The following RYR3 variants were observed in gnomAD, a reference collection of about 807,000 sequenced individuals.
RYR3 encodes brain ryanodine receptor-calcium release channel.
Under a neutral mutation model 584.3 loss-of-function variants are expected in RYR3, and 207 were observed. The ratio of observed to expected loss-of-function variants is 0.35; its 90% CI spans 0.32 to 0.40. The LOEUF is 0.40. Ranked by LOEUF, RYR3 falls within the 10% of genes least tolerant of loss-of-function variation. RYR3 has a pLI of 1.00. For missense variants in RYR3, 5,616 were observed against 6,089.2 expected, an observed-to-expected ratio of 0.92 and a Z score of 2.59; for synonymous variants, 2,416 against 2,248.5, an observed-to-expected ratio of 1.07 and a Z score of -2.11.
In RYR3 at chr15:33,794,138, A is replaced by T. The variant is rs2075386095; in HGVS notation, c.9830+5680A>T. 1.2e-4 allele frequency among the ~76,000 whole-genome samples: 7 copies of T among 59,954 alleles called. No individual in the cohort carries two copies. The South Asian group carries it at 7.3e-3, about 63-fold the overall frequency. 39.3% of individuals were successfully genotyped at this position (59,954 alleles called of 152,430 possible). A position where few individuals can be genotyped will look rare whatever the true frequency, so the allele number is the denominator to read the frequency against. On this transcript the variant is annotated intron_variant, in intron 67 of 103. Coordinates refer to ENST00000634891, the MANE Select transcript of RYR3 (RefSeq NM_001036.6). ...ATACATAAATATATATTTATATATA[A>T]TATACATAAATATATAATATATAAT...
rs1300495088 is a variant in RYR3 at position 33,838,034 on chromosome 15, A to G, written c.12054A>G (p.Ala4018=). The G allele has an allele frequency of 6.2e-7, 1 of 1,613,908 alleles. No homozygotes were observed. Among genetic ancestry groups the G allele is most frequent in the East Asian group, 2.2e-5 (1 of 44,896 alleles). ...DSRLKCLLDP[A]ESVLNYFEPY... is the part of the protein sequence containing the mutation. ...GCCTGAAGTGTCTGTTGGACCCAGC[A>G]GAAAGTGTGCTAAATTACTTCGAAC... The change falls in exon 89 of 104, where the codon GCA becomes GCG. Residue 4018 remains alanine (A), a synonymous_variant. Coordinates refer to ENST00000634891, the MANE Select transcript of RYR3 (RefSeq NM_001036.6).
chr15:33,359,027 C>T (rs955012824), intron 1 of RYR3, among the ~76,000 whole-genome samples: 2 of 152,158 alleles, frequency 1.3e-5, no homozygotes, highest in Non-Finnish European at 2.9e-5. Context: ...CAGAGCCAAC[C>T]TATGAAGTAG....
intron 10 of RYR3, among the ~76,000 whole-genome samples, chr15:33,554,974 GACTACACCAT>G (rs1045360719): frequency 2.6e-5 from 4 of 152,130 alleles, no homozygotes; most frequent in Non-Finnish European, 5.9e-5. Flanking sequence ...CACTTTAAAT[GACTACACCAT>G]ACATCTTGAA....
chr15:33,652,952 C>A, intron 32 of RYR3, 69 bp downstream of exon 32: 1 of 1,467,184 alleles, frequency 6.8e-7, no homozygotes, highest in Non-Finnish European at 9.2e-7. Context: ...GTTCCTTGTT[C>A]TCCGTACTCA....
chr15:33,568,448 G>A (rs991619802), intron 12 of RYR3, among the ~76,000 whole-genome samples: 4 of 152,004 alleles, frequency 2.6e-5, no homozygotes, highest in African/African-American at 7.2e-5. Context: ...CCTTTTAAAT[G>A]TACAGTTCCG....
chr15:33,789,367 A>C (rs1485033675), intron 67 of RYR3, among the ~76,000 whole-genome samples: 1 of 151,778 alleles, frequency 6.6e-6, no homozygotes, highest in African/African-American at 2.4e-5. Flanking sequence ...GGAAGGAAGA[A>C]GACCAGTGGG....
intron 11 of RYR3, among the ~76,000 whole-genome samples, chr15:33,566,332 C>T (rs1297937730): frequency 6.6e-6 from 1 of 152,112 alleles, no homozygotes; most frequent in Non-Finnish European, 1.5e-5. Flanking sequence ...GTGACTTTTC[C>T]CATTTCCAAG....
At chr15:33,786,480 GT>G (rs1209014459) in intron 66 of RYR3, among the ~76,000 whole-genome samples, 71 of 143,274 alleles carry the variant, frequency 5.0e-4, no homozygotes, top group Admixed American at 1.1e-3. Flanking sequence ...GCACTTTGTT[GT>G]TTTTTTTTTT....
intron 44 of RYR3, 59 bp downstream of exon 44, chr15:33,722,954 T>G: frequency 1.4e-6 from 2 of 1,413,006 alleles, no homozygotes; most frequent in Non-Finnish European, 1.9e-6. Flanking sequence ...CAGATATTAT[T>G]GGTATACGGA....
chr15:33,749,774 G>A (rs1438417396), intron 55 of RYR3, among the ~76,000 whole-genome samples: 1 of 152,158 alleles, frequency 6.6e-6, no homozygotes, highest in Non-Finnish European at 1.5e-5. Context: ...GACAGAGTTA[G>A]AAATTGTTTT....
intron 93 of RYR3, among the ~76,000 whole-genome samples, chr15:33,846,304 C>T (rs2078720766): frequency 6.6e-6 from 1 of 152,168 alleles, no homozygotes; most frequent in South Asian, 2.1e-4. Flanking sequence ...GTCACATGGC[C>T]ATCCCAGATG....
chr15:33,622,849 C>T (rs1044440139), intron 19 of RYR3, among the ~76,000 whole-genome samples: 1 of 152,158 alleles, frequency 6.6e-6, no homozygotes, highest in African/African-American at 2.4e-5. Context: ...AACCTGGGAT[C>T]GTATGAAGTA....
rs374513025 is a variant in RYR3 at position 33,613,310 on chromosome 15, G to A, written c.2292G>A (p.Gly764=). The stretch of plus-strand genomic sequence containing the variant: ...GCATCAATGGGCAGCCCGTGCAGGG[G>A]ATGTTTGAGAACTTCAACACAGACG... The part of the protein sequence containing the change: ...SFRINGQPVQ[G]MFENFNTDGL... Residue 764 remains glycine (G), a synonymous_variant, in exon 19 of 104, where the codon GGG becomes GGA. Coordinates refer to ENST00000634891, the MANE Select transcript of RYR3 (RefSeq NM_001036.6). 1.9e-5 allele frequency: 31 copies of A among 1,613,986 alleles called. No homozygotes were observed. In the African/African-American group the frequency reaches 3.5e-4, roughly 18 times the overall value.
intron 60 of RYR3, among the ~76,000 whole-genome samples, chr15:33,764,319 A>T (rs1322966406): frequency 1.3e-5 from 2 of 151,862 alleles, no homozygotes; most frequent in Non-Finnish European, 2.9e-5. Context: ...CAGCAAACTA[A>T]CACAGGAACA....
intron 67 of RYR3, among the ~76,000 whole-genome samples, chr15:33,791,412 A>G (rs1295393622): frequency 6.6e-6 from 1 of 152,084 alleles, no homozygotes; most frequent in Non-Finnish European, 1.5e-5. Context: ...AGAGGGAGAG[A>G]GAGGTCTTTT....
At chr15:33,402,802 T>C (rs543356500) in intron 1 of RYR3, among the ~76,000 whole-genome samples, 1 of 152,336 alleles carries the variant, frequency 6.6e-6, no homozygotes, top group South Asian at 2.1e-4. Flanking sequence ...TGTCAAGTCT[T>C]AGCAGGACTT....
chr15:33,715,464 T>G (rs1184385807), intron 43 of RYR3, among the ~76,000 whole-genome samples: 2 of 151,712 alleles, frequency 1.3e-5, no homozygotes, highest in Non-Finnish European at 2.9e-5. Flanking sequence ...CATGCTAGAG[T>G]GATAAGAAGG....
At chr15:33,471,240 G>A (rs1343890588) in intron 1 of RYR3, among the ~76,000 whole-genome samples, 1 of 152,202 alleles carries the variant, frequency 6.6e-6, no homozygotes, top group Non-Finnish European at 1.5e-5. Flanking sequence ...TAGAATGTGG[G>A]AAAGAGTAGA....
chr15:33,597,897 C>G (rs1401297961), intron 16 of RYR3, among the ~76,000 whole-genome samples: 1 of 149,328 alleles, frequency 6.7e-6, no homozygotes, highest in Non-Finnish European at 1.5e-5. Flanking sequence ...TTTATAAAGA[C>G]TCCTCCCCCA....
Sources: allele counts gnomAD v4.1 joint callset (sites outside exome capture counted in the v4.1 genomes callset), GRCh38; gene constraint gnomAD v4.1.1; transcripts MANE v1.5; gene names NCBI Gene and HGNC (gene_info 2026-07-23, HGNC 2026-07-21).